Variants in NEDD1 observed in about 807,000 individuals in gnomAD.
NEDD1 encodes the protein NEDD1 gamma-tubulin ring complex targeting factor, also known as protein NEDD1.
In NEDD1, 33 loss-of-function variants were observed where a neutral mutation model predicts 74.0. That is an observed-to-expected ratio of 0.45 (90% CI 0.34 to 0.60). The LOEUF is 0.60. Ranked by LOEUF, NEDD1 falls within the 20% of genes least tolerant of loss-of-function variation. NEDD1 has a pLI of 0.01. For missense variants in NEDD1, 746 were observed against 776.5 expected, an observed-to-expected ratio of 0.96 and a Z score of 0.47; for synonymous variants, 250 against 264.4, an observed-to-expected ratio of 0.95 and a Z score of 0.53.
intron 5 of NEDD1, among the ~76,000 whole-genome samples, chr12:96,918,896 G>A (rs1488134984): frequency 6.6e-6 from 1 of 152,110 alleles, no homozygotes; most frequent in Non-Finnish European, 1.5e-5. Flanking sequence ...TTTTCCTCAA[G>A]ATAGCAAGTG....
chr12:96,947,024 A>G (rs1407946292), intron 14 of NEDD1, among the ~76,000 whole-genome samples: 3 of 152,134 alleles, frequency 2.0e-5, no homozygotes, highest in East Asian at 3.9e-4. Flanking sequence ...ACTTCTTCAC[A>G]GTAAGGGTAT....
chr12:96,928,975 C>T (rs1277560754), intron 6 of NEDD1, among the ~76,000 whole-genome samples: 1 of 151,794 alleles, frequency 6.6e-6, no homozygotes, highest in Admixed American at 6.6e-5. Flanking sequence ...CAGGCGTGAG[C>T]CACCACCCCC....
chr12:96,944,203 A>C (rs1354271573), intron 12 of NEDD1, among the ~76,000 whole-genome samples: 2 of 152,052 alleles, frequency 1.3e-5, no homozygotes, highest in African/African-American at 4.8e-5. Flanking sequence ...AATTACCAGG[A>C]AGGCCAAGCC....
intron 2 of NEDD1, among the ~76,000 whole-genome samples, chr12:96,908,156 A>C (rs1466590149): frequency 6.6e-6 from 1 of 152,222 alleles, no homozygotes; most frequent in African/African-American, 2.4e-5. Flanking sequence ...TAAGGCTCCA[A>C]ATCCAAACAT....
intron 14 of NEDD1, among the ~76,000 whole-genome samples, chr12:96,948,789 C>T (rs141469417): frequency 6.6e-6 from 1 of 152,274 alleles, no homozygotes; most frequent in Non-Finnish European, 1.5e-5. Context: ...AGGACATCAG[C>T]TGAATGTCTG....
chr12:96,936,085 C>T (rs1462772005), intron 7 of NEDD1, among the ~76,000 whole-genome samples: 3 of 152,194 alleles, frequency 2.0e-5, no homozygotes, highest in Admixed American at 6.5e-5. Flanking sequence ...GATCACCATC[C>T]GTATTTCTTT....
intron 6 of NEDD1, among the ~76,000 whole-genome samples, chr12:96,923,131 A>AT (rs1875290815): frequency 6.6e-6 from 1 of 151,444 alleles, no homozygotes; most frequent in African/African-American, 2.4e-5. Context: ...GAAAAAAAAA[A>AT]GCAAGGAATC....
intron 5 of NEDD1, among the ~76,000 whole-genome samples, chr12:96,918,407 GAAAAATA>G (rs1874702105): frequency 2.3e-5 from 1 of 43,232 alleles, no homozygotes; most frequent in Non-Finnish European, 5.1e-5. Context: ...GTTTTAATAT[GAAAAATA>G]TAAACATATT....
chr12:96,944,902 A>G (rs1878046760), intron 13 of NEDD1, 107 bp downstream of exon 13: 2 of 810,050 alleles, frequency 2.5e-6, no homozygotes, highest in Non-Finnish European at 3.8e-6. Flanking sequence ...AAAAATGTTC[A>G]AAGAGTTTAA....
chr12:96,912,612 T>TAC, intron 3 of NEDD1, 111 bp from the exon 4 acceptor site: 1 of 616,716 alleles, frequency 1.6e-6, no homozygotes, highest in Non-Finnish European at 2.9e-6. Context: ...CTGTAAGCTA[T>TAC]ACTCATTGCT....
Position 96,943,779 on chromosome 12 carries a change from GATA to G in NEDD1, c.1497+18_1497+20del, listed in dbSNP as rs1295968883. 1 of 1,517,122 alleles carries G rather than the reference GATA, an allele frequency of 6.6e-7. No homozygotes were observed. The highest frequency in any genetic ancestry group is 1.4e-5 in the African/African-American group (1 of 72,624). The allele number at this position is 1,517,122 out of a possible 1,614,324, so 94.0% of individuals were successfully genotyped here. On this transcript the variant is annotated intron_variant, in intron 12 of 15. Coordinates refer to ENST00000266742, the MANE Select transcript of NEDD1 (RefSeq NM_152905.4). ...TTCAAACAGGTATTTGCCTGAAAAT[GATA>G]CTGAACTCACTGTATGTGTTTATCA...
chr12:96,924,674 ATTCAC>A (rs1397302446), intron 6 of NEDD1, among the ~76,000 whole-genome samples: 1 of 152,234 alleles, frequency 6.6e-6, no homozygotes, highest in African/African-American at 2.4e-5. Flanking sequence ...ATTCTGCTAA[ATTCAC>A]TTAATAGTTT....
chr12:96,948,104 C>T (rs1331582691), intron 14 of NEDD1, among the ~76,000 whole-genome samples: 1 of 152,120 alleles, frequency 6.6e-6, no homozygotes, highest in Non-Finnish European at 1.5e-5. Context: ...GCCATCCTCC[C>T]GTGGCTGCCA....
Position 96,935,023 on chromosome 12 carries a change from C to G in NEDD1, c.537C>G (p.Gly179=). The stretch of plus-strand genomic sequence containing the variant: ...CCTTGTTTAAGAAATCACTACTGGG[C>G]AGTGTTTCGGATAATGGAATAGTAA... ...KYSLFKKSLL[G]SVSDNGIVTL... The change falls in exon 7 of 16, where the codon GGC becomes GGG. Residue 179 remains glycine (G), a synonymous_variant. Transcript: ENST00000266742. The G allele has an allele frequency of 6.2e-7, 1 of 1,611,462 alleles. No homozygotes were observed. The highest frequency in any genetic ancestry group is 8.5e-7 in the Non-Finnish European group (1 of 1,177,560).
chr12:96,919,192 G>A (rs1874794211), intron 5 of NEDD1, among the ~76,000 whole-genome samples: 1 of 152,110 alleles, frequency 6.6e-6, no homozygotes, highest in African/African-American at 2.4e-5. Context: ...AAACCTGAAA[G>A]TTTTACTTCC....
At chr12:96,940,313 C>T in intron 9 of NEDD1, 96 bp from the exon 10 acceptor site, 6 of 614,106 alleles carry the variant, frequency 9.8e-6, no homozygotes, top group South Asian at 2.9e-5. Flanking sequence ...GTAATATTAC[C>T]AACAATATGA....
intron 10 of NEDD1, among the ~76,000 whole-genome samples, chr12:96,942,318 C>T (rs893584197): frequency 6.6e-6 from 1 of 152,108 alleles, no homozygotes; most frequent in African/African-American, 2.4e-5. Flanking sequence ...TACACCAGGG[C>T]TTGTTACACT....
At chr12:96,942,740 A>T (rs1398630116) in intron 11 of NEDD1, 116 bp downstream of exon 11, 1 of 651,614 alleles carries the variant, frequency 1.5e-6, no homozygotes, top group Non-Finnish European at 2.8e-6. Flanking sequence ...TTATCGTCTC[A>T]TAATTTCTGT....
At chr12:96,919,492 T>G (rs1271775120) in intron 5 of NEDD1, among the ~76,000 whole-genome samples, 4 of 152,202 alleles carry the variant, frequency 2.6e-5, no homozygotes, top group African/African-American at 9.6e-5. Context: ...CTTGCTCATT[T>G]GTTTTTCCCA....
Sources: allele counts gnomAD v4.1 joint callset (sites outside exome capture counted in the v4.1 genomes callset), GRCh38; gene constraint gnomAD v4.1.1; transcripts MANE v1.5; gene names NCBI Gene and HGNC (gene_info 2026-07-23, HGNC 2026-07-21).